The following PLPP1 variants were observed in gnomAD, a reference collection of about 807,000 sequenced individuals.
PLPP1 encodes phospholipid phosphatase 1, also known as lipid phosphate phosphohydrolase 1a.
In PLPP1, 24 loss-of-function variants were observed where a neutral mutation model predicts 31.2. The ratio of observed to expected loss-of-function variants is 0.77; its 90% CI spans 0.56 to 1.08. The LOEUF (loss-of-function observed/expected upper bound fraction) is 1.08, where lower values mean the gene tolerates loss of function less well. Ranked by LOEUF, PLPP1 falls within the 50% of genes least tolerant of loss-of-function variation. The probability of loss-of-function intolerance (pLI) is 0.00; values close to 1 mark genes in which losing one functional copy is unlikely to be tolerated. For missense variants in PLPP1, 319 were observed against 342.7 expected (o/e 0.93, Z 0.55); for synonymous variants, 146 against 126.3 (o/e 1.16, Z -1.05).
At chr5:55,518,059 T>G (rs1753588989) in intron 1 of PLPP1, among the ~76,000 whole-genome samples, 1 of 152,052 alleles carries the variant, frequency 6.6e-6, no homozygotes, top group South Asian at 2.1e-4. Flanking sequence ...TTGGTCAGAC[T>G]ACTGATCTCG....
chr5:55,528,531 A>C (rs1177531376), intron 1 of PLPP1, among the ~76,000 whole-genome samples: 1 of 152,214 alleles, frequency 6.6e-6, no homozygotes, highest in African/African-American at 2.4e-5. Context: ...GCATTGAATA[A>C]ATTAATGGAC....
chr5:55,455,921 T>C (rs1035734725), intron 3 of PLPP1, among the ~76,000 whole-genome samples: 10 of 152,122 alleles, frequency 6.6e-5, no homozygotes, highest in South Asian at 4.1e-4. Flanking sequence ...TAATGAACCA[T>C]TAAAATTTAA....
intron 3 of PLPP1, among the ~76,000 whole-genome samples, chr5:55,445,533 CTCTTTTT>C (rs1438857826): frequency 2.3e-4 from 28 of 120,972 alleles, no homozygotes; most frequent in African/African-American, 8.0e-4. Context: ...TTTGCATTCA[CTCTTTTT>C]TTTTTTTTTT....
At chr5:55,524,134 A>G (rs141774987) in intron 1 of PLPP1, among the ~76,000 whole-genome samples, 79 of 152,350 alleles carry the variant, frequency 5.2e-4, no homozygotes, top group Non-Finnish European at 1.1e-3. Context: ...TGAGTTTAAC[A>G]TATGTCACAA....
intron 1 of PLPP1, among the ~76,000 whole-genome samples, chr5:55,483,344 C>G (rs1198052763): frequency 2.0e-5 from 3 of 152,040 alleles, no homozygotes; most frequent in African/African-American, 7.2e-5. Context: ...TGCTAACACA[C>G]AAACAACATC....
chr5:55,490,258 C>T (rs956642949), intron 1 of PLPP1, among the ~76,000 whole-genome samples: 1 of 141,998 alleles, frequency 7.0e-6, no homozygotes, highest in Non-Finnish European at 1.5e-5. Flanking sequence ...TCAAGCGATT[C>T]TCCTGCCTCG....
At chr5:55,442,454 C>T (rs966650121) in intron 3 of PLPP1, among the ~76,000 whole-genome samples, 7 of 152,090 alleles carry the variant, frequency 4.6e-5, no homozygotes, top group Non-Finnish European at 1.0e-4. Context: ...GAGATCGAGA[C>T]CATCCTGGCC....
chr5:55,503,175 G>A (rs929815005), intron 1 of PLPP1, among the ~76,000 whole-genome samples: 1 of 152,180 alleles, frequency 6.6e-6, no homozygotes, highest in Admixed American at 6.6e-5. Flanking sequence ...CCTCAGGTGA[G>A]GCCCAAAATG....
chr5:55,486,828 G>A (rs912518859), intron 1 of PLPP1, among the ~76,000 whole-genome samples: 7 of 151,276 alleles, frequency 4.6e-5, no homozygotes, highest in East Asian at 2.0e-4. Flanking sequence ...CAGGAGAATC[G>A]CTTGAACCCG....
In PLPP1 at chr5:55,530,770, T is replaced by C. The variant is rs1285600403; in HGVS notation, c.58+3802A>G. On this transcript the variant is annotated intron_variant, in intron 1 of 5. Coordinates refer to ENST00000307259, the MANE Select transcript of PLPP1 (RefSeq NM_003711.4). ...TTCCCTCATTGCAGTCAGGAAACAT[T>C]TTCTACAGAAAACGTGCTGACAGGG... The C allele has an allele frequency of 1.9e-6, 3 of 1,555,570 alleles. No individual in the cohort carries two copies. In the African/African-American group the frequency reaches 4.1e-5, roughly 21 times the overall value.
intron 3 of PLPP1, among the ~76,000 whole-genome samples, chr5:55,454,639 T>G (rs1751966217): frequency 6.6e-6 from 1 of 152,246 alleles, no homozygotes; most frequent in South Asian, 2.1e-4. Context: ...ACAGGGAAGC[T>G]GGAAAGAGGT....
intron 1 of PLPP1, among the ~76,000 whole-genome samples, chr5:55,503,269 T>G (rs1451430306): frequency 6.6e-6 from 1 of 152,214 alleles, no homozygotes; most frequent in Non-Finnish European, 1.5e-5. Flanking sequence ...TATTTATGCT[T>G]ATAACATATC....
At chr5:55,530,632 A>T (rs1399629740) in intron 1 of PLPP1, 1 of 1,585,742 alleles carries the variant, frequency 6.3e-7, no homozygotes, top group Non-Finnish European at 8.7e-7. Flanking sequence ...TTTGCACAGC[A>T]TCTGCAGCTA....
chr5:55,484,671 T>C (rs1026163846), intron 1 of PLPP1: 2 of 152,074 alleles, frequency 1.3e-5, no homozygotes, highest in Admixed American at 6.6e-5. Context: ...TCCTGAGTAA[T>C]AGGAGGGTCT....
intron 1 of PLPP1, among the ~76,000 whole-genome samples, chr5:55,480,477 C>A (rs1752646688): frequency 6.6e-6 from 1 of 151,778 alleles, no homozygotes; most frequent in Non-Finnish European, 1.5e-5. Context: ...CCCAGGCAAC[C>A]ACTCATCTGC....
chr5:55,434,609 A>C (rs2115323), intron 4 of PLPP1, among the ~76,000 whole-genome samples: 1 of 152,124 alleles, frequency 6.6e-6, no homozygotes, highest in South Asian at 2.1e-4. Context: ...CAGAATAGAT[A>C]CCAGAAATAA....
chr5:55,452,127 A>T (rs1301732517), intron 3 of PLPP1, among the ~76,000 whole-genome samples: 1 of 152,096 alleles, frequency 6.6e-6, no homozygotes, highest in Non-Finnish European at 1.5e-5. Context: ...CTTGCCAACA[A>T]ACTACTTGAT....
chr5:55,520,816 T>C (rs1162663401), intron 1 of PLPP1, among the ~76,000 whole-genome samples: 1 of 152,274 alleles, frequency 6.6e-6, no homozygotes, highest in Non-Finnish European at 1.5e-5. Flanking sequence ...ACAGGAATTA[T>C]TTCAGAATTC....
chr5:55,526,801 G>A (rs959475302), intron 1 of PLPP1, among the ~76,000 whole-genome samples: 9 of 151,778 alleles, frequency 5.9e-5, no homozygotes, highest in African/African-American at 1.9e-4. Context: ...GCGTGGTGGC[G>A]CACATATGTA....
Sources: gnomAD v4.1 joint callset for allele counts (sites outside exome capture counted in the v4.1 genomes callset) on GRCh38, gnomAD v4.1.1 for gene constraint, MANE v1.5 for transcripts, NCBI Gene and HGNC (gene_info 2026-07-23, HGNC 2026-07-21) for gene names.